WDR44: variants seen among roughly 807,000 people sequenced by gnomAD.
The protein encoded by WDR44 is WD repeat domain 44, also known as WD repeat-containing protein 44.
Under a neutral mutation model 65.7 loss-of-function variants are expected in WDR44, and 9 were observed. That is an observed-to-expected ratio of 0.14 (90% CI 0.08 to 0.24). The LOEUF (loss-of-function observed/expected upper bound fraction) is 0.24, where lower values mean the gene tolerates loss of function less well. WDR44 is among the 10% of genes least tolerant of loss of function. The pLI, the probability that WDR44 is intolerant of heterozygous loss-of-function variation, is 1.00. For missense variants in WDR44, 425 were observed against 670.9 expected (o/e 0.63, Z 4.05); for synonymous variants, 220 against 235.2 (o/e 0.94, Z 0.59).
intron 12 of WDR44, among the ~76,000 whole-genome samples, chrX:118,427,683 C>CTTTTT (rs1226853723): frequency 1.1e-5 from 1 of 91,715 alleles, no homozygotes. Flanking sequence ...GGGCAGGAAT[C>CTTTTT]TTTTTTTTTT....
intron 12 of WDR44, among the ~76,000 whole-genome samples, chrX:118,411,448 AT>A (rs1602940805): frequency 8.9e-6 from 1 of 112,075 alleles, no homozygotes; most frequent in Non-Finnish European, 1.9e-5. Flanking sequence ...AATACACAAT[AT>A]TGTACTAAGT....
chrX:118,366,083 T>G (rs1484703719), intron 1 of WDR44, among the ~76,000 whole-genome samples: 1 of 112,160 alleles, frequency 8.9e-6, no homozygotes, highest in Non-Finnish European at 1.9e-5. Context: ...TAGGTACTTT[T>G]ATCTCCTTGA....
intron 12 of WDR44, among the ~76,000 whole-genome samples, chrX:118,412,019 A>G (rs1373996396): frequency 4.5e-5 from 5 of 112,324 alleles, no homozygotes; most frequent in African/African-American, 1.6e-4. Context: ...ACTCACAATT[A>G]CAGTATTAGA....
intron 1 of WDR44, 43 bp from the exon 2 acceptor site, chrX:118,378,373 TCTC>T (rs1452631924): frequency 2.7e-6 from 3 of 1,104,374 alleles, no homozygotes; most frequent in Non-Finnish European, 3.7e-6. Flanking sequence ...GTATTTGTCT[TCTC>T]ATCTCCTCTA....
chrX:118,426,832 A>T (rs1158914461), intron 12 of WDR44, among the ~76,000 whole-genome samples: 1 of 112,204 alleles, frequency 8.9e-6, no homozygotes, highest in Non-Finnish European at 1.9e-5. Flanking sequence ...AAACAAAAAC[A>T]AACCAAAAAA....
intron 19 of WDR44, chrX:118,445,022 G>A: frequency 3.0e-6 from 1 of 329,440 alleles, no homozygotes; most frequent in Non-Finnish European, 5.9e-6. Context: ...TGGGCCTGGT[G>A]CGGTGGCTCA....
intron 12 of WDR44, among the ~76,000 whole-genome samples, chrX:118,431,375 C>T (rs756186316): frequency 1.5e-4 from 17 of 111,732 alleles, no homozygotes; most frequent in Non-Finnish European, 3.2e-4. Context: ...GTGATCTCAG[C>T]TCACCGCAAC....
chrX:118,414,415 C>A (rs1264163169), intron 12 of WDR44, among the ~76,000 whole-genome samples: 2 of 109,223 alleles, frequency 1.8e-5, no homozygotes, highest in African/African-American at 6.7e-5. Flanking sequence ...TGGAACCAAC[C>A]CAAATGTCCA....
intron 1 of WDR44, among the ~76,000 whole-genome samples, chrX:118,359,395 GT>G: frequency 8.9e-6 from 1 of 112,255 alleles, no homozygotes; most frequent in Middle Eastern, 4.6e-3. Context: ...AGAATAGAAT[GT>G]TTTTAGTTTG....
chrX:118,434,934 A>G (rs1203896527), intron 13 of WDR44, among the ~76,000 whole-genome samples: 1 of 111,660 alleles, frequency 9.0e-6, no homozygotes, highest in Non-Finnish European at 1.9e-5. Context: ...GAGGTAGACA[A>G]CCTGATTTTG....
At chrX:118,349,082 T>A (rs2147654630) in intron 1 of WDR44, among the ~76,000 whole-genome samples, 1 of 112,113 alleles carries the variant, frequency 8.9e-6, no homozygotes, top group South Asian at 3.7e-4. Flanking sequence ...GCAAATTTAA[T>A]AAGTTAAAAA....
At chrX:118,382,440 G>A (rs6603397) in intron 2 of WDR44, among the ~76,000 whole-genome samples, 53,674 of 110,872 alleles carry the variant, frequency 0.48, 12,221 homozygotes, top group African/African-American at 0.88. Flanking sequence ...TTACTTTTTA[G>A]AACAATTTTC....
chrX:118,448,411 C>G (rs34273136), intron 19 of WDR44, among the ~76,000 whole-genome samples: 12,804 of 111,425 alleles, frequency 0.11, 678 homozygotes, highest in Admixed American at 0.25. Flanking sequence ...AGCATTCACA[C>G]AGCAAACGTG....
intron 1 of WDR44, among the ~76,000 whole-genome samples, chrX:118,364,231 C>G (rs2056535221): frequency 8.9e-6 from 1 of 112,371 alleles, no homozygotes; most frequent in Non-Finnish European, 1.9e-5. Context: ...TCATCTTTAG[C>G]AAGTGCCAGT....
At chrX:118,346,685 T>C (rs1055652369) in intron 1 of WDR44, 105 bp downstream of exon 1, 1 of 635,284 alleles carries the variant, frequency 1.6e-6, no homozygotes, top group Non-Finnish European at 2.3e-6. Context: ...CCGCCACCGC[T>C]GTTCCTCCCC....
At chrX:118,374,055 A>C (rs948127842) in intron 1 of WDR44, among the ~76,000 whole-genome samples, 3 of 110,406 alleles carry the variant, frequency 2.7e-5, no homozygotes, top group Non-Finnish European at 1.9e-5. Context: ...CGTCATCTAC[A>C]TTAGGTATTT....
intron 1 of WDR44, among the ~76,000 whole-genome samples, chrX:118,376,177 A>G (rs955475963): frequency 9.8e-5 from 11 of 111,716 alleles, no homozygotes; most frequent in East Asian, 2.8e-4. Context: ...AGATCAAGCA[A>G]TCCTCCCGCC....
chrX:118,409,760 A>T (rs1417698183), intron 11 of WDR44, 133 bp downstream of exon 11: 1 of 635,361 alleles, frequency 1.6e-6, no homozygotes, highest in African/African-American at 2.3e-5. Context: ...TGAAAGTAAG[A>T]CAGACGTCAG....
rs193023188 is a variant in WDR44, at chrX:118,422,538, G to A, written c.1738-10243G>A. On this transcript the variant is annotated intron_variant, in intron 12 of 19. Coordinates refer to ENST00000254029, the MANE Select transcript of WDR44 (RefSeq NM_019045.5). ...GAAACCCGGTCTCTACTAAAAATAC[G>A]AAAATTAGCTGGGCATGGTGGCATG... Among the ~76,000 whole-genome samples, 264 of 109,588 alleles carry A rather than the reference G, an allele frequency of 2.4e-3. 2 individuals are homozygous for A. Among genetic ancestry groups the A allele is most frequent in the African/African-American group, 8.5e-3 (256 of 30,069 alleles).
Sources: allele counts gnomAD v4.1 joint callset (sites outside exome capture counted in the v4.1 genomes callset), GRCh38; gene constraint gnomAD v4.1.1; transcripts MANE v1.5; gene names NCBI Gene and HGNC (gene_info 2026-07-23, HGNC 2026-07-21).